The following DLG2 variants were observed in gnomAD, a reference collection of about 807,000 sequenced individuals.
DLG2 encodes the protein discs large MAGUK scaffold protein 2, also known as disks large homolog 2.
DLG2 carries 45 observed loss-of-function variants against 132.5 expected under a neutral mutation model. The ratio of observed to expected loss-of-function variants is 0.34; its 90% CI spans 0.27 to 0.44. The LOEUF (loss-of-function observed/expected upper bound fraction) is 0.44, where lower values mean the gene tolerates loss of function less well. Ranked by LOEUF, DLG2 falls within the 20% of genes least tolerant of loss-of-function variation. DLG2 has a pLI of 1.00. For synonymous variants in DLG2, 424 were observed against 419.6 expected (o/e 1.01, Z -0.13); for missense variants, 1,045 against 1,196.9 (o/e 0.87, Z 1.87).
At chr11:83,729,100 A>G (rs2090533434) in intron 18 of DLG2, among the ~76,000 whole-genome samples, 2 of 152,204 alleles carry the variant, frequency 1.3e-5, no homozygotes, top group South Asian at 4.1e-4. Context: ...AGTCCCACCC[A>G]GGAAAGACAT....
intron 16 of DLG2, among the ~76,000 whole-genome samples, chr11:83,850,938 A>G (rs1846887843): frequency 6.6e-6 from 1 of 152,138 alleles, no homozygotes; most frequent in East Asian, 1.9e-4. Context: ...CTACTTTGGG[A>G]GGCCGAGGCG....
intron 7 of DLG2, among the ~76,000 whole-genome samples, chr11:84,432,904 G>A (rs1021468287): frequency 1.1e-4 from 16 of 152,224 alleles, no homozygotes; most frequent in African/African-American, 3.6e-4. Context: ...CATGTCTGCA[G>A]TCCCAGCTAC....
chr11:83,848,806 G>A (rs1030271444), intron 16 of DLG2, among the ~76,000 whole-genome samples: 1 of 152,132 alleles, frequency 6.6e-6, no homozygotes, highest in African/African-American at 2.4e-5. Flanking sequence ...TGGCCCTCAT[G>A]GTCAGACTCT....
intron 6 of DLG2, among the ~76,000 whole-genome samples, chr11:84,837,524 A>G (rs183532859): frequency 7.2e-5 from 11 of 151,890 alleles, no homozygotes; most frequent in African/African-American, 2.7e-4. Context: ...AACTGCCCTA[A>G]ATCTCAACCT....
intron 7 of DLG2, among the ~76,000 whole-genome samples, chr11:84,473,735 T>C (rs1033179386): frequency 6.6e-5 from 10 of 152,048 alleles, no homozygotes; most frequent in Admixed American, 2.0e-4. Context: ...TTCCTTTATA[T>C]GTTGTAGAAA....
intron 6 of DLG2, among the ~76,000 whole-genome samples, chr11:84,594,522 A>G (rs908275339): frequency 3.9e-5 from 6 of 152,246 alleles, no homozygotes; most frequent in African/African-American, 1.4e-4. Context: ...AGACAGAAGA[A>G]AGCATGAGAA....
At chr11:84,307,864 T>C (rs1358101591) in intron 7 of DLG2, among the ~76,000 whole-genome samples, 1 of 151,806 alleles carries the variant, frequency 6.6e-6, no homozygotes, top group Admixed American at 6.6e-5. Context: ...CTGCGGACCT[T>C]CGCGGTGAGT....
intron 6 of DLG2, among the ~76,000 whole-genome samples, chr11:84,707,308 TC>T (rs551634003): frequency 6.6e-6 from 1 of 151,972 alleles, no homozygotes; most frequent in African/African-American, 2.4e-5. Flanking sequence ...TTTATTTTTT[TC>T]ATTCAGATAT....
intron 7 of DLG2, among the ~76,000 whole-genome samples, chr11:84,329,610 T>C (rs1225281891): frequency 6.6e-6 from 1 of 152,212 alleles, no homozygotes; most frequent in Non-Finnish European, 1.5e-5. Context: ...TTGTTTCCTT[T>C]ATAAATTACC....
chr11:85,223,179 A>G (rs1344682829), intron 4 of DLG2, among the ~76,000 whole-genome samples: 2 of 152,216 alleles, frequency 1.3e-5, no homozygotes, highest in African/African-American at 2.4e-5. Flanking sequence ...CTCAAGAACC[A>G]TTTAGGGTTT....
chr11:84,580,068 G>A (rs1235470269), intron 6 of DLG2, among the ~76,000 whole-genome samples: 2 of 152,140 alleles, frequency 1.3e-5, no homozygotes, highest in African/African-American at 4.8e-5. Context: ...TGTCTTGTTG[G>A]CAGACTTCTA....
At chr11:84,988,417 T>C (rs2056734321) in intron 6 of DLG2, among the ~76,000 whole-genome samples, 1 of 152,202 alleles carries the variant, frequency 6.6e-6, no homozygotes, top group African/African-American at 2.4e-5. Flanking sequence ...TGCATATGCA[T>C]ATTTATAGCA....
At chr11:83,638,544 T>C (rs2065460462) in intron 18 of DLG2, among the ~76,000 whole-genome samples, 1 of 152,172 alleles carries the variant, frequency 6.6e-6, no homozygotes, top group Admixed American at 6.5e-5. Flanking sequence ...CTATTCTTGT[T>C]CATCACTTGC....
chr11:85,065,166 CTCTACTGTGTA>C (rs1305259077), intron 6 of DLG2, among the ~76,000 whole-genome samples: 18 of 151,340 alleles, frequency 1.2e-4, no homozygotes, highest in African/African-American at 4.1e-4. Flanking sequence ...TTAGTATGTC[CTCTACTGTGTA>C]TCTTTTGAAC....
At chr11:84,368,008 A>G (rs373355852) in intron 7 of DLG2, among the ~76,000 whole-genome samples, 2 of 152,150 alleles carry the variant, frequency 1.3e-5, no homozygotes, top group East Asian at 1.9e-4. Flanking sequence ...GTTAATGCAA[A>G]TAGAAAAGGC....
Position 85,317,109 on chromosome 11 carries a change from C to T in DLG2, c.41-31744G>A, listed in dbSNP as rs557691367. Among the ~76,000 whole-genome samples the T allele has an allele frequency of 2.0e-5, 3 of 151,954 alleles. No homozygotes were observed. The South Asian group carries it at 6.2e-4, about 32-fold the overall frequency. ...AAAGTAAATACAGAAGCATTGTATT[C>T]CAGGCAAGTAAACATCTTGTGTAAA... is the stretch of plus-strand genomic sequence containing the variant. On this transcript the variant is annotated intron_variant, in intron 3 of 27. Coordinates refer to ENST00000376104, the MANE Select transcript of DLG2 (RefSeq NM_001142699.3).
At chr11:84,145,690 G>C (rs895755597) in intron 9 of DLG2, among the ~76,000 whole-genome samples, 1 of 152,122 alleles carries the variant, frequency 6.6e-6, no homozygotes, top group Non-Finnish European at 1.5e-5. Flanking sequence ...TTGGACTAAT[G>C]AACTGGAAGA....
chr11:83,601,352 G>T (rs1387862886), intron 19 of DLG2, among the ~76,000 whole-genome samples: 1 of 152,070 alleles, frequency 6.6e-6, no homozygotes, highest in African/African-American at 2.4e-5. Flanking sequence ...TTCCTGTGAT[G>T]TATGTAGCTA....
At chr11:84,867,870 G>A (rs765472600) in intron 6 of DLG2, among the ~76,000 whole-genome samples, 1 of 151,986 alleles carries the variant, frequency 6.6e-6, no homozygotes, top group Non-Finnish European at 1.5e-5. Context: ...GTCAGGAGAT[G>A]GAGACCATCC....
Sources: gnomAD v4.1 joint callset for allele counts (sites outside exome capture counted in the v4.1 genomes callset) on GRCh38, gnomAD v4.1.1 for gene constraint, MANE v1.5 for transcripts, NCBI Gene and HGNC (gene_info 2026-07-23, HGNC 2026-07-21) for gene names.